The following RHOJ variants were observed in gnomAD, a reference collection of about 807,000 sequenced individuals.
The protein encoded by RHOJ is rho-related GTP-binding protein RhoJ.
Under a neutral mutation model 23.4 loss-of-function variants are expected in RHOJ, and 11 were observed. The ratio of observed to expected loss-of-function variants is 0.47; its 90% CI spans 0.30 to 0.78. The LOEUF (loss-of-function observed/expected upper bound fraction) is 0.78. Among genes scored for constraint, RHOJ ranks in the 30% least tolerant of loss-of-function variants. RHOJ has a pLI of 0.08. For missense variants in RHOJ, 254 were observed against 273.4 expected (o/e 0.93, Z 0.50); for synonymous variants, 102 against 102.7 (o/e 0.99, Z 0.04).
intron 1 of RHOJ, among the ~76,000 whole-genome samples, chr14:63,210,533 A>G (rs868626925): frequency 1.3e-5 from 2 of 152,156 alleles, no homozygotes; most frequent in Non-Finnish European, 1.5e-5. Flanking sequence ...TGCCTAAGAA[A>G]CAACCCTGGG....
chr14:63,283,064 A>C (rs567915179), intron 3 of RHOJ, 57 bp from the exon 4 acceptor site: 14 of 1,393,624 alleles, frequency 1.0e-5, no homozygotes, highest in Middle Eastern at 1.8e-4. Flanking sequence ...TCACAGTTTA[A>C]AATATCTGGC....
chr14:63,263,415 G>A lies in RHOJ; in HGVS notation c.179-5695G>A, dbSNP rs146803225. Among the ~76,000 whole-genome samples the A allele has an allele frequency of 1.7e-3, 255 of 152,232 alleles. 2 individuals carry two copies. Among genetic ancestry groups the A allele is most frequent in the African/African-American group, 5.8e-3 (241 of 41,536 alleles). ...ATAAGGACTCACGAAGCCATGACCC[G>A]TATAACCCTCAATGTTTGATTGACA... is the stretch of plus-strand genomic sequence containing the variant. On this transcript the variant is annotated intron_variant, in intron 1 of 4. Transcript: ENST00000316754.
intron 4 of RHOJ, among the ~76,000 whole-genome samples, chr14:63,283,607 T>C (rs967339672): frequency 1.3e-5 from 2 of 152,202 alleles, no homozygotes; most frequent in Non-Finnish European, 2.9e-5. Flanking sequence ...AGGCATTTTG[T>C]GATTTTCTTG....
chr14:63,212,667 T>A (rs963678424), intron 1 of RHOJ, among the ~76,000 whole-genome samples: 1 of 152,172 alleles, frequency 6.6e-6, no homozygotes, highest in Non-Finnish European at 1.5e-5. Flanking sequence ...CTGATGACAA[T>A]CCTGATAGTA....
Position 63,259,529 on chromosome 14 carries a change from A to G in RHOJ, c.179-9581A>G, listed in dbSNP as rs185121490. Among the ~76,000 whole-genome samples, 7 of 152,328 alleles carry G rather than the reference A, an allele frequency of 4.6e-5. No individual in the cohort carries two copies. In the East Asian group the frequency reaches 1.3e-3, roughly 29 times the overall value. ...TTTGTAGGTGCTTTGAAGGAAAACA[A>G]TTAGGAAAAATATGTGAACAAGGAC... On this transcript the variant is annotated intron_variant, in intron 1 of 4. Transcript: ENST00000316754.
At chr14:63,230,453 G>A (rs1260782068) in intron 1 of RHOJ, among the ~76,000 whole-genome samples, 2 of 151,786 alleles carry the variant, frequency 1.3e-5, no homozygotes, top group Non-Finnish European at 2.9e-5. Flanking sequence ...CCTTTGATTT[G>A]ACATTGCTCT....
chr14:63,252,298 T>C (rs775418774), intron 1 of RHOJ, among the ~76,000 whole-genome samples: 1 of 152,144 alleles, frequency 6.6e-6, no homozygotes, highest in Non-Finnish European at 1.5e-5. Context: ...GGAACTAGGA[T>C]GTGGGCATCT....
chr14:63,257,236 CAAAAA>C lies in RHOJ; in HGVS notation c.179-11856_179-11852del, dbSNP rs11463617. 2.1e-3 allele frequency among the ~76,000 whole-genome samples: 104 copies of C among 49,094 alleles called. 1 individual carries two copies. The highest frequency in any genetic ancestry group is 3.1e-3 in the Non-Finnish European group (76 of 24,786). The allele number at this position is 49,094 out of a possible 152,430, so 32.2% of individuals were successfully genotyped here. On this transcript the variant is annotated intron_variant, in intron 1 of 4. Coordinates refer to ENST00000316754, the MANE Select transcript of RHOJ (RefSeq NM_020663.5). ...CTGGGTGACACAGTGAGACTGTCTCCAAAAAAAAAAAAAAAAAAAAAAGAGTCTCT... is the reference window on the plus strand; with the variant it reads ...CTGGGTGACACAGTGAGACTGTCTCCAAAAAAAAAAAAAAAAAGAGTCTCT...
chr14:63,244,778 T>G (rs1202731714), intron 1 of RHOJ, among the ~76,000 whole-genome samples: 1 of 152,236 alleles, frequency 6.6e-6, no homozygotes, highest in East Asian at 1.9e-4. Context: ...TGAAATACAT[T>G]AAATAATTTG....
At chr14:63,212,991 C>A (rs17177789) in intron 1 of RHOJ, among the ~76,000 whole-genome samples, 27,955 of 152,120 alleles carry the variant, frequency 0.18, 3,056 homozygotes, top group Non-Finnish European at 0.26. Context: ...CACCATCTGC[C>A]ACCTAACAGC....
At chr14:63,218,509 A>G (rs1196535282) in intron 1 of RHOJ, among the ~76,000 whole-genome samples, 2 of 152,164 alleles carry the variant, frequency 1.3e-5, no homozygotes, top group African/African-American at 2.4e-5. Context: ...ATTTTAATAG[A>G]TAGTCTAGTT....
chr14:63,270,183 T>C (rs1210409147), intron 2 of RHOJ, among the ~76,000 whole-genome samples: 8 of 151,944 alleles, frequency 5.3e-5, no homozygotes, highest in Admixed American at 4.6e-4. Flanking sequence ...TTTTTTTTTT[T>C]TTTCACAATT....
intron 1 of RHOJ, among the ~76,000 whole-genome samples, chr14:63,250,025 T>G (rs1895041542): frequency 6.6e-6 from 1 of 152,172 alleles, no homozygotes; most frequent in Admixed American, 6.5e-5. Flanking sequence ...GGAAATGTTC[T>G]CCACATGGAC....
intron 1 of RHOJ, among the ~76,000 whole-genome samples, chr14:63,236,748 A>AACACACACACACACACACACACAC (rs59297455): frequency 2.9e-5 from 4 of 138,362 alleles, no homozygotes; most frequent in African/African-American, 8.1e-5. Context: ...AGAGGCTTGA[A>AACACACACACACACACACACACAC]ACACACACAC....
chr14:63,245,368 G>T (rs571361603), intron 1 of RHOJ, among the ~76,000 whole-genome samples: 1 of 151,994 alleles, frequency 6.6e-6, no homozygotes, highest in African/African-American at 2.4e-5. Flanking sequence ...TCTCTTGGCC[G>T]GGTGCACTGG....
chr14:63,209,352 T>C (rs1191812355), intron 1 of RHOJ, among the ~76,000 whole-genome samples: 1 of 152,148 alleles, frequency 6.6e-6, no homozygotes, highest in African/African-American at 2.4e-5. Flanking sequence ...CTGTTATCTC[T>C]CCAATCTCAT....
At chr14:63,288,288 G>A in intron 4 of RHOJ, 1 of 985,448 alleles carries the variant, frequency 1.0e-6, no homozygotes, top group Non-Finnish European at 1.2e-6. Context: ...GGAGGATGGG[G>A]AGTGCCCTGC....
rs371122005 is a variant in RHOJ, at chr14:63,242,753, AG to A, written c.179-26356del. Among the ~76,000 whole-genome samples the A allele has an allele frequency of 2.2e-3, 338 of 152,260 alleles. 4 individuals are homozygous for A. Among genetic ancestry groups the A allele is most frequent in the African/African-American group, 7.9e-3 (329 of 41,542 alleles). The stretch of plus-strand genomic sequence containing the variant: ...AGCCATTCCACACTCCAATTCTGTG[AG>A]AAAAAACTCATAAGCTCTCATCCAA... On this transcript the variant is annotated intron_variant, in intron 1 of 4. Transcript: ENST00000316754.
At chr14:63,209,277 C>T (rs1894181713) in intron 1 of RHOJ, among the ~76,000 whole-genome samples, 1 of 152,152 alleles carries the variant, frequency 6.6e-6, no homozygotes, top group Non-Finnish European at 1.5e-5. Context: ...TCTCCAATCA[C>T]TTCCCTTAAC....
Sources: gnomAD v4.1 joint callset for allele counts (sites outside exome capture counted in the v4.1 genomes callset) on GRCh38, gnomAD v4.1.1 for gene constraint, MANE v1.5 for transcripts, NCBI Gene and HGNC (gene_info 2026-07-23, HGNC 2026-07-21) for gene names.